MDGA1: variants seen among roughly 807,000 people sequenced by gnomAD.
MDGA1 encodes the protein MAM domain-containing glycosylphosphatidylinositol anchor protein 1.
Under a neutral mutation model 101.5 loss-of-function variants are expected in MDGA1, and 54 were observed. The observed-to-expected ratio is 0.53, with a 90% CI of 0.43 to 0.67. The LOEUF is 0.67. Among genes scored for constraint, MDGA1 ranks in the 30% least tolerant of loss-of-function variants. MDGA1 has a pLI of 0.00. For synonymous variants in MDGA1, 533 were observed against 558.3 expected, an observed-to-expected ratio of 0.95 and a Z score of 0.64; for missense variants, 1,083 against 1,323.8, an observed-to-expected ratio of 0.82 and a Z score of 2.82.
chr6:37,695,592 G>A (rs1487973446), intron 1 of MDGA1, among the ~76,000 whole-genome samples: 1 of 152,176 alleles, frequency 6.6e-6, no homozygotes, highest in African/African-American at 2.4e-5. Flanking sequence ...AGGCAGATGG[G>A]TCAGCACCCT....
At chr6:37,690,636 G>C (rs774407561) in intron 1 of MDGA1, among the ~76,000 whole-genome samples, 4 of 152,094 alleles carry the variant, frequency 2.6e-5, no homozygotes, top group South Asian at 2.1e-4. Context: ...AATTAGCTGG[G>C]TGTGGTGGAG....
chr6:37,647,355 G>A (rs1003286333), intron 9 of MDGA1, 31 bp from the exon 10 acceptor site: 50 of 1,466,146 alleles, frequency 3.4e-5, no homozygotes, highest in African/African-American at 5.6e-5. Flanking sequence ...GCATTGGGCC[G>A]TGGAGGGTGC....
intron 9 of MDGA1, chr6:37,648,549 G>A (rs1761270674): frequency 4.9e-6 from 1 of 203,918 alleles, no homozygotes; most frequent in Non-Finnish European, 9.8e-6. Flanking sequence ...GTTTCGAAGG[G>A]GTCTAGGCCT....
Position 37,635,799 on chromosome 6 carries a change from G to A in MDGA1, c.*1569C>T, listed in dbSNP as rs141090086. On this transcript the variant is annotated 3_prime_UTR_variant, in exon 17 of 17. Coordinates refer to ENST00000434837, the MANE Select transcript of MDGA1 (RefSeq NM_153487.4). ...ATGAAAGGTGGAATTTCAGGCCATC[G>A]CAGGCAGCTTGAGACTACAGAACAG... 1.6e-4 allele frequency: 62 copies of A among 398,262 alleles called. No homozygotes were observed. Among genetic ancestry groups the A allele is most frequent in the Middle Eastern group, 6.3e-4 (1 of 1,590 alleles). 24.7% of individuals were successfully genotyped at this position (398,262 alleles called of 1,614,324 possible).
chr6:37,692,479 G>A (rs1253524734), intron 1 of MDGA1, among the ~76,000 whole-genome samples: 1 of 151,810 alleles, frequency 6.6e-6, no homozygotes, highest in Non-Finnish European at 1.5e-5. Context: ...GTTTGGGGTG[G>A]GGGTGTCTTC....
chr6:37,656,727 G>T (rs759098496), intron 3 of MDGA1, among the ~76,000 whole-genome samples: 1 of 152,216 alleles, frequency 6.6e-6, no homozygotes, highest in Non-Finnish European at 1.5e-5. Flanking sequence ...GCCTCCCAGG[G>T]ACCTGCATGA....
At chr6:37,663,897 C>T in intron 2 of MDGA1, 70 bp downstream of exon 2, 1 of 1,570,750 alleles carries the variant, frequency 6.4e-7, no homozygotes, top group Non-Finnish European at 8.7e-7. Flanking sequence ...CCTGCTGCCT[C>T]TTCTTAAGTG....
intron 1 of MDGA1, among the ~76,000 whole-genome samples, chr6:37,681,007 C>CA (rs1252677560): frequency 6.6e-6 from 1 of 152,034 alleles, no homozygotes; most frequent in Non-Finnish European, 1.5e-5. Context: ...CCCCCCCCCC[C>CA]CAGGAAACCT....
chr6:37,667,389 A>G (rs1394535712), intron 1 of MDGA1, among the ~76,000 whole-genome samples: 9 of 152,214 alleles, frequency 5.9e-5, no homozygotes, highest in African/African-American at 1.7e-4. Flanking sequence ...TTCCCTACCC[A>G]TAGGAAGGAT....
chr6:37,678,306 G>C (rs1474519453), intron 1 of MDGA1, among the ~76,000 whole-genome samples: 27 of 152,060 alleles, frequency 1.8e-4, no homozygotes, highest in Admixed American at 1.7e-3. Flanking sequence ...AGCTCTGTCG[G>C]CTTGACCTTC....
At chr6:37,663,866 G>A in intron 2 of MDGA1, 101 bp downstream of exon 2, 2 of 1,323,750 alleles carry the variant, frequency 1.5e-6, no homozygotes, top group Non-Finnish European at 2.1e-6. Flanking sequence ...CCATGCTGCG[G>A]TGCATCGTGA....
chr6:37,651,972 C>T lies in MDGA1; in HGVS notation c.1312+39G>A, dbSNP rs1026328802. On this transcript the variant is annotated intron_variant, in intron 7 of 16. Transcript: ENST00000434837. Reference sequence around the variant, plus strand: ...TACCTCCTGTCTGTGGGCCTCTCCACCCCCCTCACATTTCCGCAGTGCCCC... The same window carrying T: ...TACCTCCTGTCTGTGGGCCTCTCCATCCCCCTCACATTTCCGCAGTGCCCC... The T allele has an allele frequency of 5.4e-6, 8 of 1,481,274 alleles. No individual in the cohort carries two copies. In the African/African-American group the frequency reaches 6.9e-5, roughly 13 times the overall value. 91.8% of individuals were successfully genotyped at this position (1,481,274 alleles called of 1,614,324 possible).
chr6:37,646,752 G>A (rs1478986458), intron 10 of MDGA1, among the ~76,000 whole-genome samples: 1 of 152,152 alleles, frequency 6.6e-6, no homozygotes, highest in African/African-American at 2.4e-5. Context: ...CTGAGCAGAA[G>A]CACATGGAAT....
Position 37,635,228 on chromosome 6 carries a change from G to A in MDGA1, c.*2140C>T, listed in dbSNP as rs1466447120. 3 of 383,334 alleles carry A rather than the reference G, an allele frequency of 7.8e-6. No homozygotes were observed. Among genetic ancestry groups the A allele is most frequent in the Non-Finnish European group, 1.4e-5 (3 of 216,864 alleles). 23.7% of individuals were successfully genotyped at this position (383,334 alleles called of 1,614,324 possible). ...CTGGTGGTTCTATTCTGCAGGCAAG[G>A]CCAGGAACCACTGATTACAGAATCC... On this transcript the variant is annotated 3_prime_UTR_variant, in exon 17 of 17. Coordinates refer to ENST00000434837, the MANE Select transcript of MDGA1 (RefSeq NM_153487.4).
chr6:37,652,199 C>T lies in MDGA1; in HGVS notation c.1124G>A (p.Gly375Asp). Residue 375 changes from glycine to aspartate, a missense_variant, in exon 7 of 17, where the codon GGC becomes GAC. Physicochemically the swap from Gly to Asp is moderately conservative, Grantham distance 94. Around this residue, in one of 3 missense-constraint regions of MDGA1, gnomAD observed 116 missense variants for 196.6 expected, o/e 0.59. Transcript: ENST00000434837. The surrounding 1 kb of genome is among the most constrained non-coding windows in gnomAD (Gnocchi z 4.3). Reference sequence around the variant, plus strand: ...CCGCTTGGACATGCGTGCCGGCTTGCCATTCTTGAACCACTGGTAGGTCAC... The same window carrying T: ...CCGCTTGGACATGCGTGCCGGCTTGTCATTCTTGAACCACTGGTAGGTCAC... Reference protein sequence around the residue: ...EKVTYQWFKNGKPARMSKRLL... With the variant: ...EKVTYQWFKNDKPARMSKRLL... The T allele has an allele frequency of 6.2e-7, 1 of 1,614,042 alleles. No homozygotes were observed. The highest frequency in any genetic ancestry group is 1.3e-5 in the African/African-American group (1 of 75,064).
At chr6:37,681,686 G>C (rs560647463) in intron 1 of MDGA1, among the ~76,000 whole-genome samples, 2 of 152,258 alleles carry the variant, frequency 1.3e-5, no homozygotes, top group Admixed American at 6.5e-5. Flanking sequence ...GGAGGAACAT[G>C]TTACAGCTTC....
chr6:37,681,359 G>C (rs1658130157), intron 1 of MDGA1, among the ~76,000 whole-genome samples: 1 of 152,066 alleles, frequency 6.6e-6, no homozygotes, highest in African/African-American at 2.4e-5. Context: ...AGGGTGGTGG[G>C]GGCCATACCC....
intron 11 of MDGA1, 75 bp downstream of exon 11, chr6:37,646,123 C>A: frequency 3.9e-6 from 6 of 1,554,734 alleles, no homozygotes; most frequent in Non-Finnish European, 5.2e-6. Flanking sequence ...AGCTTAGGAA[C>A]CACATGAGGA....
Position 37,664,842 on chromosome 6 carries a change from G to GACACACACACACAC in MDGA1, c.68-750_68-737dup, listed in dbSNP as rs35594367. ...TTTGCTTTTAGAGAGCCTAACCTAAGACACACACACACACACACACACACA... is the reference window on the plus strand; with the variant it reads ...TTTGCTTTTAGAGAGCCTAACCTAAGACACACACACACACACACACACACACACACACACACACA... On this transcript the variant is annotated intron_variant, in intron 1 of 16. Coordinates refer to ENST00000434837, the MANE Select transcript of MDGA1 (RefSeq NM_153487.4). Among the ~76,000 whole-genome samples the GACACACACACACAC allele has an allele frequency of 3.7e-3, 205 of 55,256 alleles. 29 individuals carry two copies. Among genetic ancestry groups the GACACACACACACAC allele is most frequent in the East Asian group, 0.016 (14 of 862 alleles). 36.3% of individuals were successfully genotyped at this position (55,256 alleles called of 152,430 possible). A position where few individuals can be genotyped will look rare whatever the true frequency, so the allele number is the denominator to read the frequency against.
Sources: gnomAD v4.1 joint callset for allele counts (sites outside exome capture counted in the v4.1 genomes callset) on GRCh38, gnomAD v4.1.1 for gene constraint, gnomAD v4.1.1 regional missense constraint, Gnocchi (gnomAD v3.1) non-coding constraint, MANE v1.5 for transcripts, NCBI Gene and HGNC (gene_info 2026-07-23, HGNC 2026-07-21) for gene names.